Variants in MOK observed in about 807,000 individuals in gnomAD.
MOK encodes the protein MAPK/MAK/MRK overlapping kinase.
MOK carries 59 observed loss-of-function variants against 54.2 expected under a neutral mutation model. That is an observed-to-expected ratio of 1.09 (90% CI 0.88 to 1.35). The LOEUF is 1.35. Ranked by LOEUF, MOK falls within the 40% of genes most tolerant of loss-of-function variation. MOK has a pLI of 0.00. For missense variants in MOK, 517 were observed against 526.2 expected (o/e 0.98, Z 0.17); for synonymous variants, 210 against 202.7 (o/e 1.04, Z -0.31).
In MOK at chr14:102,232,312, C is replaced by G; in HGVS notation, c.866+223G>C. 1 of 485,430 alleles carries G rather than the reference C, an allele frequency of 2.1e-6. No homozygotes were observed. Among genetic ancestry groups the G allele is most frequent in the Non-Finnish European group, 3.6e-6 (1 of 281,648 alleles). The allele number at this position is 485,430 out of a possible 1,614,324, so 30.1% of individuals were successfully genotyped here. On this transcript the variant is annotated intron_variant, in intron 9 of 11. Transcript: ENST00000361847. The surrounding 1 kb of genome is among the most constrained non-coding windows in gnomAD (Gnocchi z 5.1). The stretch of plus-strand genomic sequence containing the variant: ...ACCGCAAAGTGGACAGCCAGCCCCT[C>G]TTTCTCCTGCCGTGGAGCTGCTAAC...
At chr14:102,248,560 C>T (rs923674088) in intron 7 of MOK, among the ~76,000 whole-genome samples, 52 of 152,006 alleles carry the variant, frequency 3.4e-4, no homozygotes, top group African/African-American at 1.1e-3. Flanking sequence ...GGGCGGATCA[C>T]GAGGTCAGGA....
Position 102,230,357 on chromosome 14 carries a change from T to A in MOK, c.982-700A>T, listed in dbSNP as rs1239631936. The A allele has an allele frequency of 6.6e-6, 1 of 152,154 alleles. No individual in the cohort carries two copies. The highest frequency in any genetic ancestry group is 1.9e-4 in the East Asian group (1 of 5,194). 9.4% of individuals were successfully genotyped at this position (152,154 alleles called of 1,614,324 possible). On this transcript the variant is annotated intron_variant, in intron 10 of 11. Coordinates refer to ENST00000361847, the MANE Select transcript of MOK (RefSeq NM_014226.3). The surrounding 1 kb of genome is among the most constrained non-coding windows in gnomAD (Gnocchi z 4.1). ...ACCGCACCCACCTGGTTTTTATTTT[T>A]AATGACTGAAAAAAAAATGTTTCAT...
intron 1 of MOK, among the ~76,000 whole-genome samples, chr14:102,285,520 G>C (rs2069946542): frequency 6.6e-6 from 1 of 152,154 alleles, no homozygotes; most frequent in African/African-American, 2.4e-5. Flanking sequence ...TAACGGTTAT[G>C]TCAAAACACA....
chr14:102,266,207 G>T, intron 2 of MOK, among the ~76,000 whole-genome samples: 1 of 151,874 alleles, frequency 6.6e-6, no homozygotes, highest in Non-Finnish European at 1.5e-5. Context: ...TAAAACTTAT[G>T]ATTAATTAAT....
chr14:102,291,301 A>C lies in MOK; in HGVS notation c.8-7709T>G, dbSNP rs191495283. 1.4e-3 allele frequency among the ~76,000 whole-genome samples: 206 copies of C among 152,342 alleles called. 1 individual carries two copies. Among genetic ancestry groups the C allele is most frequent in the Admixed American group, 4.1e-3 (63 of 15,300 alleles). The stretch of plus-strand genomic sequence containing the variant: ...ATAAAGATTCTTTGGTGCATCTCCA[A>C]GAAGCTTCTGCAAAAGAAATGGACC... On this transcript the variant is annotated intron_variant, in intron 1 of 11. Transcript: ENST00000361847.
At chr14:102,277,790 C>T (rs1376723663) in intron 2 of MOK, among the ~76,000 whole-genome samples, 1 of 152,168 alleles carries the variant, frequency 6.6e-6, no homozygotes, top group Non-Finnish European at 1.5e-5. Context: ...TAATGTTCTA[C>T]ATCTTGATTA....
Position 102,305,102 on chromosome 14 carries a change from G to C in MOK, c.-134C>G. ...AGGATCTCCGTGGTGGTCCCTCGAA[G>C]GAGAGCGTTAGAGATCCCGCCGCCA... On this transcript the variant is annotated 5_prime_UTR_variant, in exon 1 of 12. Transcript: ENST00000361847. 1 of 1,101,826 alleles carries C rather than the reference G, an allele frequency of 9.1e-7. No individual in the cohort carries two copies. The highest frequency in any genetic ancestry group is 2.0e-5 in the Admixed American group (1 of 49,530). The allele number at this position is 1,101,826 out of a possible 1,614,324, so 68.3% of individuals were successfully genotyped here.
intron 1 of MOK, among the ~76,000 whole-genome samples, chr14:102,291,536 C>T (rs2153184300): frequency 6.6e-6 from 1 of 152,294 alleles, no homozygotes; most frequent in East Asian, 1.9e-4. Context: ...GCTAAAACAC[C>T]ACCAAAATTT....
intron 1 of MOK, among the ~76,000 whole-genome samples, chr14:102,302,400 C>T (rs942774377): frequency 2.0e-5 from 3 of 151,624 alleles, no homozygotes; most frequent in East Asian, 3.9e-4. Context: ...TATATATATA[C>T]GCATATATAC....
rs1398198197 is a variant in MOK, at chr14:102,229,245, G to A, written c.*44C>T. ...CAGATCACCCAGGCCTGGCCCGGTC[G>A]GGCTTGGTGTTGCCTCCGAAGTCGA... On this transcript the variant is annotated 3_prime_UTR_variant, in exon 12 of 12. Coordinates refer to ENST00000361847, the MANE Select transcript of MOK (RefSeq NM_014226.3). The A allele has an allele frequency of 4.6e-6, 7 of 1,536,428 alleles. No homozygotes were observed. Among genetic ancestry groups the A allele is most frequent in the Non-Finnish European group, 6.2e-6 (7 of 1,134,270 alleles).
chr14:102,293,535 C>T (rs1457995414), intron 1 of MOK, among the ~76,000 whole-genome samples: 2 of 151,510 alleles, frequency 1.3e-5, no homozygotes, highest in Admixed American at 6.6e-5. Context: ...CCTGTCTCTA[C>T]TAAAAATACA....
intron 1 of MOK, among the ~76,000 whole-genome samples, chr14:102,286,614 G>GA (rs879858983): frequency 2.0e-5 from 3 of 150,248 alleles, no homozygotes; most frequent in South Asian, 2.1e-4. Context: ...CTGTCTAAAA[G>GA]AAAAAAAAAT....
At chr14:102,296,245 CAAAA>C (rs35588317) in intron 1 of MOK, among the ~76,000 whole-genome samples, 4 of 61,652 alleles carry the variant, frequency 6.5e-5, no homozygotes, top group Non-Finnish European at 1.0e-4. Context: ...GAGTACGTCT[CAAAA>C]AAAAAAAAAA....
intron 1 of MOK, among the ~76,000 whole-genome samples, chr14:102,298,812 C>T (rs1192639374): frequency 6.6e-6 from 1 of 152,194 alleles, no homozygotes; most frequent in Non-Finnish European, 1.5e-5. Flanking sequence ...CTTTTATGAG[C>T]TGCAACACTC....
chr14:102,252,043 C>T (rs1247630458), intron 4 of MOK, 48 bp from the exon 5 acceptor site: 1 of 1,031,312 alleles, frequency 9.7e-7, no homozygotes, highest in African/African-American at 1.6e-5. Context: ...TGGTACATAT[C>T]CTCTTTTTTG....
In MOK at chr14:102,263,616, A is replaced by C. The variant is rs2067656724; in HGVS notation, c.213T>G (p.Phe71Leu). The C allele has an allele frequency of 6.3e-7, 1 of 1,597,964 alleles. No individual in the cohort carries two copies. The highest frequency in any genetic ancestry group is 8.5e-7 in the Non-Finnish European group (1 of 1,173,756). The change falls in exon 4 of 12, where the codon TTT (phenylalanine) becomes TTG (leucine). Residue 71 changes from phenylalanine to leucine, a missense_variant and splice_region_variant. Transcript: ENST00000361847. ...GTGCAAGAGAACCAGATTTTCTGTC[A>C]CTGAAGAAGAAAGCAAGTTTTTAAA... ...PNILMLHEVV[F>L]DRKSGSLALI...
At chr14:102,294,371 G>C (rs923752735) in intron 1 of MOK, among the ~76,000 whole-genome samples, 1 of 151,670 alleles carries the variant, frequency 6.6e-6, no homozygotes, top group South Asian at 2.1e-4. Context: ...GCATGAACCC[G>C]GGAGGCGGAG....
intron 1 of MOK, 104 bp downstream of exon 1, chr14:102,304,858 G>A (rs1486825131): frequency 4.5e-6 from 6 of 1,338,844 alleles, no homozygotes; most frequent in African/African-American, 4.4e-5. Flanking sequence ...AGAAGGCGAC[G>A]ACGCCCGGCC....
rs958269203 is a variant in MOK at position 102,230,450 on chromosome 14, T to G, written c.982-793A>C. On this transcript the variant is annotated intron_variant, in intron 10 of 11. Coordinates refer to ENST00000361847, the MANE Select transcript of MOK (RefSeq NM_014226.3). The surrounding 1 kb of genome is among the most constrained non-coding windows in gnomAD (Gnocchi z 4.1). ...GTTCTACTGGAACGCAGCCCCTATGTGGTTCATGTGTTGCCTCCAGCTCCT... is the reference window on the plus strand; with the variant it reads ...GTTCTACTGGAACGCAGCCCCTATGGGGTTCATGTGTTGCCTCCAGCTCCT... 2.0e-5 allele frequency: 3 copies of G among 152,258 alleles called. No homozygotes were observed. Among genetic ancestry groups the G allele is most frequent in the African/African-American group, 7.2e-5 (3 of 41,456 alleles). The allele number at this position is 152,258 out of a possible 1,614,324, so 9.4% of individuals were successfully genotyped here.
Sources: gnomAD v4.1 joint callset for allele counts (sites outside exome capture counted in the v4.1 genomes callset) on GRCh38, gnomAD v4.1.1 for gene constraint, Gnocchi (gnomAD v3.1) non-coding constraint, MANE v1.5 for transcripts, NCBI Gene and HGNC (gene_info 2026-07-23, HGNC 2026-07-21) for gene names.